DMD: variants seen among roughly 807,000 people sequenced by gnomAD.
DMD encodes the protein mutant dystrophin.
DMD carries 63 observed loss-of-function variants against 330.1 expected under a neutral mutation model. That is an observed-to-expected ratio of 0.19 (90% confidence interval 0.16 to 0.24). The LOEUF is 0.24. Ranked by LOEUF, DMD falls within the 10% of genes least tolerant of loss-of-function variation. The pLI, the probability that DMD is intolerant of heterozygous loss-of-function variation, is 1.00. For synonymous variants in DMD, 1,223 were observed against 959.8 expected, an observed-to-expected ratio of 1.27 and a Z score of -5.07; for missense variants, 3,344 against 2,684.1, an observed-to-expected ratio of 1.25 and a Z score of -5.43.
intron 1 of DMD, among the ~76,000 whole-genome samples, chrX:33,068,144 AC>A (rs2094693416): frequency 8.9e-6 from 1 of 112,033 alleles, no homozygotes; most frequent in African/African-American, 3.2e-5. Flanking sequence ...TCAAAGAAAG[AC>A]CCCAGGAATA....
intron 45 of DMD, among the ~76,000 whole-genome samples, chrX:31,941,827 T>A (rs1220465780): frequency 1.8e-5 from 2 of 111,811 alleles, no homozygotes; most frequent in African/African-American, 6.5e-5. Flanking sequence ...GATAATGACC[T>A]CCAGCTGCAT....
chrX:31,559,783 A>ACTT (rs2075093250), intron 55 of DMD, among the ~76,000 whole-genome samples: 1 of 107,509 alleles, frequency 9.3e-6, no homozygotes, highest in African/African-American at 3.4e-5. Flanking sequence ...ACTGTATAAC[A>ACTT]CTTTCCCTAA....
At chrX:31,341,877 G>A (rs1274991329) in intron 61 of DMD, among the ~76,000 whole-genome samples, 1 of 69,941 alleles carries the variant, frequency 1.4e-5, no homozygotes, top group African/African-American at 6.5e-5. Context: ...GCGTGCGCGC[G>A]TGCGTGCGCG....
chrX:32,734,851 G>T (rs1308025032), intron 7 of DMD, among the ~76,000 whole-genome samples: 1 of 103,066 alleles, frequency 9.7e-6, no homozygotes. Context: ...TTGAAAACTG[G>T]CACAAGACAG....
At chrX:31,778,832 G>A (rs755550973) in intron 50 of DMD, among the ~76,000 whole-genome samples, 1 of 111,284 alleles carries the variant, frequency 9.0e-6, no homozygotes, top group African/African-American at 3.3e-5. Context: ...GCCTCCCAAA[G>A]TGCTGGGATT....
intron 11 of DMD, among the ~76,000 whole-genome samples, chrX:32,632,413 G>T (rs992935032): frequency 1.8e-5 from 2 of 111,823 alleles, no homozygotes; most frequent in Non-Finnish European, 3.8e-5. Flanking sequence ...GAGTCTGGAG[G>T]ACAGTGGCCC....
intron 7 of DMD, among the ~76,000 whole-genome samples, chrX:32,760,145 A>G (rs768322336): frequency 5.4e-5 from 6 of 111,997 alleles, no homozygotes; most frequent in African/African-American, 1.9e-4. Flanking sequence ...TTCCACTGCT[A>G]TGTATGTGGA....
chrX:32,941,475 G>T (rs1472143227), intron 2 of DMD, among the ~76,000 whole-genome samples: 1 of 111,669 alleles, frequency 9.0e-6, no homozygotes, highest in Admixed American at 9.5e-5. Context: ...CCATAAAACA[G>T]AATGAAATCA....
chrX:31,225,221 T>A (rs962995022), intron 63 of DMD, among the ~76,000 whole-genome samples: 1 of 112,284 alleles, frequency 8.9e-6, no homozygotes, highest in Non-Finnish European at 1.9e-5. Context: ...TAAGCTACAC[T>A]GTAGAGGTGG....
chrX:32,636,231 A>G (rs907025978), intron 11 of DMD, among the ~76,000 whole-genome samples: 1 of 111,944 alleles, frequency 8.9e-6, no homozygotes, highest in Non-Finnish European at 1.9e-5. Context: ...GAAAGAAGCC[A>G]AGGAGAGCAT....
At chrX:32,643,747 T>G (rs1297101418) in intron 11 of DMD, among the ~76,000 whole-genome samples, 2 of 111,870 alleles carry the variant, frequency 1.8e-5, no homozygotes, top group Non-Finnish European at 3.8e-5. Flanking sequence ...CAAGGGCTTT[T>G]TCTTCAGAAG....
intron 76 of DMD, among the ~76,000 whole-genome samples, chrX:31,141,631 T>C (rs1433784801): frequency 3.1e-5 from 3 of 97,557 alleles, no homozygotes; most frequent in Non-Finnish European, 6.3e-5. Context: ...TGGTGGAACA[T>C]AGCTAAGGAA....
intron 52 of DMD, among the ~76,000 whole-genome samples, chrX:31,713,315 G>C (rs1247845661): frequency 8.9e-6 from 1 of 111,785 alleles, no homozygotes; most frequent in African/African-American, 3.3e-5. Flanking sequence ...AACCTACTTT[G>C]TGCCAAACAC....
chrX:32,100,595 A>G (rs1569542681), intron 44 of DMD, among the ~76,000 whole-genome samples: 3 of 110,938 alleles, frequency 2.7e-5, no homozygotes, highest in Non-Finnish European at 5.7e-5. Context: ...AGCATGGTAT[A>G]TATCTCTTGC....
At chrX:32,476,992 A>G (rs899007211) in intron 21 of DMD, among the ~76,000 whole-genome samples, 2 of 111,693 alleles carry the variant, frequency 1.8e-5, no homozygotes, top group African/African-American at 3.2e-5. Flanking sequence ...CGAGAGTTCT[A>G]CTGACATCAT....
At chrX:31,145,748 C>T (rs1456021442) in intron 76 of DMD, among the ~76,000 whole-genome samples, 1 of 107,873 alleles carries the variant, frequency 9.3e-6, no homozygotes, top group African/African-American at 3.5e-5. Flanking sequence ...CTGCAACCTC[C>T]GCCTCCTGGG....
Position 31,704,796 on chromosome X carries a change from T to C in DMD, c.7660+24835A>G, listed in dbSNP as rs1329163816. Among the ~76,000 whole-genome samples, 5 of 112,147 alleles carry C rather than the reference T, an allele frequency of 4.5e-5. No individual in the cohort carries two copies. In the East Asian group the frequency reaches 8.4e-4, roughly 19 times the overall value. ...TCTTTATATATTTGTTAATTATTTGTTCCTTTATGTATGCATTCATCACAA... is the reference window on the plus strand; with the variant it reads ...TCTTTATATATTTGTTAATTATTTGCTCCTTTATGTATGCATTCATCACAA... On this transcript the variant is annotated intron_variant, in intron 52 of 78. Coordinates refer to ENST00000357033, the MANE Select transcript of DMD (RefSeq NM_004006.3).
At chrX:32,166,048 C>T (rs1246144292) in intron 44 of DMD, among the ~76,000 whole-genome samples, 4 of 111,212 alleles carry the variant, frequency 3.6e-5, no homozygotes, top group African/African-American at 1.3e-4. Context: ...TATAAATTAC[C>T]CAATCTCGGG....
At chrX:31,470,621 G>A (rs1053255589) in intron 59 of DMD, among the ~76,000 whole-genome samples, 1 of 112,096 alleles carries the variant, frequency 8.9e-6, no homozygotes, top group African/African-American at 3.2e-5. Flanking sequence ...CAGGAGGCAC[G>A]GGGGTCAGGA....
Sources: allele counts gnomAD v4.1 joint callset (sites outside exome capture counted in the v4.1 genomes callset), GRCh38; gene constraint gnomAD v4.1.1; transcripts MANE v1.5; gene names NCBI Gene and HGNC (gene_info 2026-07-23, HGNC 2026-07-21).